PCP2: variants seen among roughly 807,000 people sequenced by gnomAD.
PCP2 encodes the protein Purkinje cell protein 2.
A neutral mutation model predicts 18.3 loss-of-function variants in PCP2; 21 were observed. The ratio of observed to expected loss-of-function variants is 1.14; its 90% CI spans 0.81 to 1.65. The LOEUF is 1.65. Ranked by LOEUF, PCP2 falls within the 40% of genes most tolerant of loss-of-function variation. The pLI, the probability that PCP2 is intolerant of heterozygous loss-of-function variation, is 0.00. For missense variants in PCP2, 202 were observed against 201.8 expected (o/e 1.00, Z 0.00); for synonymous variants, 85 against 77.6 (o/e 1.10, Z -0.50).
At position 7,632,919 on chromosome 19, in the gene PCP2, C is replaced by T. The variant is rs767732071; in HGVS notation, c.52-89G>A. 3.6e-5 allele frequency: 54 copies of T among 1,499,642 alleles called. No homozygotes were observed. The highest frequency in any genetic ancestry group is 4.4e-5 in the Non-Finnish European group (50 of 1,126,412). The allele number at this position is 1,499,642 out of a possible 1,614,324, so 92.9% of individuals were successfully genotyped here. ...AGCCAGCTTGCTCACACCCTGACCCCGGGGCCTGCCGTCCCCACTTCCTCA... is the reference window on the plus strand; with the variant it reads ...AGCCAGCTTGCTCACACCCTGACCCTGGGGCCTGCCGTCCCCACTTCCTCA... On this transcript the variant is annotated intron_variant, in intron 1 of 3. Coordinates refer to ENST00000311069, the MANE Select transcript of PCP2 (RefSeq NM_174895.3). This position sits in a 1 kb window ranked among gnomAD's most constrained non-coding sequence, Gnocchi z 5.2.
rs1394598370 is a variant in PCP2, at chr19:7,633,483, G to C, written c.-26C>G. 1 of 1,562,744 alleles carries C rather than the reference G, an allele frequency of 6.4e-7. No individual in the cohort carries two copies. Among genetic ancestry groups the C allele is most frequent in the African/African-American group, 1.4e-5 (1 of 73,816 alleles). ...GTCCCTGGACTCCAGTCACTTTTCT[G>C]CTGGCCTCTGCCCCGGCCCAGTGCC... is the stretch of plus-strand genomic sequence containing the variant. On this transcript the variant is annotated 5_prime_UTR_variant, in exon 1 of 4. Transcript: ENST00000311069.
At chr19:7,633,198 T>A (rs2031404169) in intron 1 of PCP2, among the ~76,000 whole-genome samples, 1 of 152,002 alleles carries the variant, frequency 6.6e-6, no homozygotes, top group African/African-American at 2.4e-5. Context: ...GCATCTCCCA[T>A]CAATAGGGGT....
chr19:7,632,027 G>A lies in PCP2; in HGVS notation c.292-219C>T, dbSNP rs996245528. The A allele has an allele frequency of 2.0e-6, 1 of 487,956 alleles. No homozygotes were observed. Among genetic ancestry groups the A allele is most frequent in the Admixed American group, 3.8e-5 (1 of 26,436 alleles). The allele number at this position is 487,956 out of a possible 1,614,324, so 30.2% of individuals were successfully genotyped here. Reference sequence around the variant, plus strand: ...GGATCTTGATCAGAACCCAAGCTTCGTGTATGTGTGAAGTCAACAGATGTG... The same window carrying A: ...GGATCTTGATCAGAACCCAAGCTTCATGTATGTGTGAAGTCAACAGATGTG... On this transcript the variant is annotated intron_variant, in intron 3 of 3. Transcript: ENST00000311069. This position sits in a 1 kb window ranked among gnomAD's most constrained non-coding sequence, Gnocchi z 5.2.
In PCP2 at chr19:7,631,771, TG is replaced by T; in HGVS notation, c.328del (p.Gln110AsnfsTer42). The stretch of plus-strand genomic sequence containing the variant: ...CGGGTCCTGAGGGGTGAGCAGGGGT[TG>T]GGGACTGAGGGTCCCAGCTCGTTTC... ...AQKRAGTLSP[Q>X]PLLTPQDPTA... On this transcript the variant is annotated frameshift_variant, in exon 4 of 4. Coordinates refer to ENST00000311069, the MANE Select transcript of PCP2 (RefSeq NM_174895.3). LOFTEE classifies it high-confidence loss of function. 1 of 1,419,968 alleles carries T rather than the reference TG, an allele frequency of 7.0e-7. No individual in the cohort carries two copies. The highest frequency in any genetic ancestry group is 9.2e-7 in the Non-Finnish European group (1 of 1,082,818). 88.0% of individuals were successfully genotyped at this position (1,419,968 alleles called of 1,614,324 possible).
At position 7,633,399 on chromosome 19, in the gene PCP2, CCT is replaced by C; in HGVS notation, c.51+6_51+7del. On this transcript the variant is annotated splice_donor_region_variant and intron_variant, in intron 1 of 3. Coordinates refer to ENST00000311069, the MANE Select transcript of PCP2 (RefSeq NM_174895.3). ...GCTGGGGGTGGGGTGGGGGCAGGGCCCTCTCACCTCGGCACAGGGGCCTGAGC... is the reference window on the plus strand; with the variant it reads ...GCTGGGGGTGGGGTGGGGGCAGGGCCCTCACCTCGGCACAGGGGCCTGAGC... The C allele has an allele frequency of 6.4e-7, 1 of 1,564,674 alleles. No individual in the cohort carries two copies. Among genetic ancestry groups the C allele is most frequent in the Non-Finnish European group, 8.7e-7 (1 of 1,153,670 alleles).
upstream of PCP2, among the ~76,000 whole-genome samples, chr19:7,634,826 G>A (rs2031466189): frequency 1.3e-5 from 2 of 152,192 alleles, no homozygotes; most frequent in South Asian, 2.1e-4. Context: ...CGTCCTTGAT[G>A]TCCTTGGCTT....
chr19:7,634,753 C>G (rs2031464457), upstream of PCP2, among the ~76,000 whole-genome samples: 2 of 152,192 alleles, frequency 1.3e-5, no homozygotes, highest in Non-Finnish European at 2.9e-5. Context: ...GAGCTGTGCT[C>G]CCTCTGAAAA....
rs1195640388 is a variant in PCP2 at position 7,632,910 on chromosome 19, C to A, written c.52-80G>T. 4.6e-6 allele frequency: 7 copies of A among 1,513,982 alleles called. No homozygotes were observed. Among genetic ancestry groups the A allele is most frequent in the Admixed American group, 2.0e-5 (1 of 49,226 alleles). The allele number at this position is 1,513,982 out of a possible 1,614,324, so 93.8% of individuals were successfully genotyped here. On this transcript the variant is annotated intron_variant, in intron 1 of 3. Coordinates refer to ENST00000311069, the MANE Select transcript of PCP2 (RefSeq NM_174895.3). This position sits in a 1 kb window ranked among gnomAD's most constrained non-coding sequence, Gnocchi z 5.2. ...AAACTTCCTAGCCAGCTTGCTCACACCCTGACCCCGGGGCCTGCCGTCCCC... is the reference window on the plus strand; with the variant it reads ...AAACTTCCTAGCCAGCTTGCTCACAACCTGACCCCGGGGCCTGCCGTCCCC...
At chr19:7,634,674 A>C (rs993848460), upstream of PCP2, among the ~76,000 whole-genome samples, 1 of 151,848 alleles carries the variant, frequency 6.6e-6, no homozygotes, top group Non-Finnish European at 1.5e-5. Context: ...TGAGCCTTTA[A>C]AATTTTTTTT....
At chr19:7,633,961 A>T (rs2031438715), upstream of PCP2, 1 of 153,588 alleles carries the variant, frequency 6.5e-6, no homozygotes, top group African/African-American at 2.4e-5. Flanking sequence ...CACCTGCCTC[A>T]GACACCACCG....
chr19:7,632,114 C>A lies in PCP2; in HGVS notation c.291+279G>T. On this transcript the variant is annotated intron_variant, in intron 3 of 3. Transcript: ENST00000311069. The surrounding 1 kb of genome is among the most constrained non-coding windows in gnomAD (Gnocchi z 5.2). ...GTGACTTCCTCCCTGGGATACTTTCCTAGGAAGGGGTCCTATTTTCTCCCT... is the reference window on the plus strand; with the variant it reads ...GTGACTTCCTCCCTGGGATACTTTCATAGGAAGGGGTCCTATTTTCTCCCT... 3.5e-6 allele frequency: 2 copies of A among 571,918 alleles called. No individual in the cohort carries two copies. The highest frequency in any genetic ancestry group is 6.1e-6 in the Non-Finnish European group (2 of 328,846). The allele number at this position is 571,918 out of a possible 1,614,324, so 35.4% of individuals were successfully genotyped here. A position where few individuals can be genotyped will look rare whatever the true frequency, so the allele number is the denominator to read the frequency against.
In PCP2 at chr19:7,632,283, G is replaced by A. The variant is rs373087080; in HGVS notation, c.291+110C>T. 215 of 1,505,492 alleles carry A rather than the reference G, an allele frequency of 1.4e-4. 2 individuals carry two copies. The African/African-American group carries it at 1.7e-3, about 12-fold the overall frequency. The allele number at this position is 1,505,492 out of a possible 1,614,324, so 93.3% of individuals were successfully genotyped here. A position where few individuals can be genotyped will look rare whatever the true frequency, so the allele number is the denominator to read the frequency against. On this transcript the variant is annotated intron_variant, in intron 3 of 3. Coordinates refer to ENST00000311069, the MANE Select transcript of PCP2 (RefSeq NM_174895.3). The surrounding 1 kb of genome is among the most constrained non-coding windows in gnomAD (Gnocchi z 5.2). ...TCCTCCCATCTGAAGTCAGGGCAGC[G>A]GATGGACAGAGATGGGGCAGGCCCT...
chr19:7,632,405 GGGCTGGAAGCCGGGCA>G lies in PCP2; in HGVS notation c.263_278del (p.Leu88ProfsTer59). On this transcript the variant is annotated frameshift_variant, in exon 3 of 4. Coordinates refer to ENST00000311069, the MANE Select transcript of PCP2 (RefSeq NM_174895.3). LOFTEE classifies it high-confidence loss of function. This position sits in a 1 kb window ranked among gnomAD's most constrained non-coding sequence, Gnocchi z 5.2. Reference sequence around the variant, plus strand: ...GAACATCACCTACCTTGGACCCCACGGGCTGGAAGCCGGGCAGGCTGCTGACTGTCACACGTTGGTC... The same window carrying G: ...GAACATCACCTACCTTGGACCCCACGGGCTGCTGACTGTCACACGTTGGTC... The G allele has an allele frequency of 6.2e-7, 1 of 1,613,904 alleles. No homozygotes were observed. The highest frequency in any genetic ancestry group is 8.5e-7 in the Non-Finnish European group (1 of 1,179,948).
upstream of PCP2, chr19:7,636,469 G>A (rs1347058161): frequency 6.6e-6 from 1 of 152,154 alleles, no homozygotes; most frequent in Non-Finnish European, 1.5e-5. Context: ...TGCGCCTCCC[G>A]GAAGAGGGTA....
intron 3 of PCP2, 29 bp from the exon 4 acceptor site, chr19:7,631,837 GA>G: frequency 1.4e-6 from 2 of 1,383,994 alleles, no homozygotes; most frequent in East Asian, 2.7e-5. Context: ...CAGCCAGGGG[GA>G]GGGCTCAAGG....
chr19:7,635,706 AAAAC>A (rs1250173132), upstream of PCP2, among the ~76,000 whole-genome samples: 5 of 152,158 alleles, frequency 3.3e-5, no homozygotes, highest in African/African-American at 4.8e-5. Context: ...TTACAAAACA[AAAAC>A]AAACAAAAAT....
At position 7,632,692 on chromosome 19, in the gene PCP2, C is replaced by T; in HGVS notation, c.166+24G>A. The T allele has an allele frequency of 6.5e-7, 1 of 1,549,846 alleles. No homozygotes were observed. The stretch of plus-strand genomic sequence containing the variant: ...TCCCACCCCGTTCACGCCCCATGGA[C>T]AGCACCCCCGTGCCCATGCTCACGG... On this transcript the variant is annotated intron_variant, in intron 2 of 3. Transcript: ENST00000311069. This position sits in a 1 kb window ranked among gnomAD's most constrained non-coding sequence, Gnocchi z 5.2.
chr19:7,631,653 T>C lies in PCP2; in HGVS notation c.*36A>G, dbSNP rs753840339. On this transcript the variant is annotated 3_prime_UTR_variant, in exon 4 of 4. Coordinates refer to ENST00000311069, the MANE Select transcript of PCP2 (RefSeq NM_174895.3). ...AAGTGTTTTATTCTTTTATCAGTTTTTGGGGGCCGAGTGAGACCCAGGATG... is the reference window on the plus strand; with the variant it reads ...AAGTGTTTTATTCTTTTATCAGTTTCTGGGGGCCGAGTGAGACCCAGGATG... The C allele has an allele frequency of 1.2e-5, 17 of 1,457,304 alleles. No homozygotes were observed. The highest frequency in any genetic ancestry group is 1.8e-4 in the Middle Eastern group (1 of 5,490). 90.3% of individuals were successfully genotyped at this position (1,457,304 alleles called of 1,614,324 possible).
chr19:7,635,825 C>CT (rs1305018063), upstream of PCP2, among the ~76,000 whole-genome samples: 1 of 152,210 alleles, frequency 6.6e-6, no homozygotes, highest in African/African-American at 2.4e-5. Context: ...TTGCCTGTGA[C>CT]TGTCCTATTT....
Sources: allele counts gnomAD v4.1 joint callset (sites outside exome capture counted in the v4.1 genomes callset), GRCh38; gene constraint gnomAD v4.1.1; non-coding constraint Gnocchi (gnomAD v3.1); transcripts MANE v1.5; gene names NCBI Gene and HGNC (gene_info 2026-07-23, HGNC 2026-07-21).